MPP1: variants seen among roughly 807,000 people sequenced by gnomAD.
The protein encoded by MPP1 is 55 kDa erythrocyte membrane protein.
Under a neutral mutation model 38.2 loss-of-function variants are expected in MPP1, and 6 were observed. That is an observed-to-expected ratio of 0.16 (90% CI 0.09 to 0.31). The LOEUF (loss-of-function observed/expected upper bound fraction) is 0.31. MPP1 is among the 10% of genes least tolerant of loss of function. The pLI is 1.00. For synonymous variants in MPP1, 153 were observed against 146.3 expected (o/e 1.05, Z -0.33); for missense variants, 293 against 368.9 (o/e 0.79, Z 1.69).
intron 5 of MPP1, among the ~76,000 whole-genome samples, chrX:154,786,895 CAAA>C (rs782470556): frequency 2.7e-4 from 7 of 25,589 alleles, no homozygotes; most frequent in African/African-American, 6.8e-4. Flanking sequence ...GACTCCGTCT[CAAA>C]AAAAAAAAAA....
chrX:154,787,751 C>T (rs1332143695), intron 5 of MPP1, among the ~76,000 whole-genome samples: 11 of 111,867 alleles, frequency 9.8e-5, no homozygotes, highest in Non-Finnish European at 1.9e-4. Context: ...GGATTACAGG[C>T]GCATGCCACC....
intron 1 of MPP1, among the ~76,000 whole-genome samples, chrX:154,795,401 T>C: frequency 9.0e-6 from 1 of 111,332 alleles, no homozygotes; most frequent in South Asian, 3.8e-4. Flanking sequence ...AAAATAATAA[T>C]AATGTGATGA....
At chrX:154,788,926 G>A (rs908063834) in intron 5 of MPP1, among the ~76,000 whole-genome samples, 1 of 111,646 alleles carries the variant, frequency 9.0e-6, no homozygotes, top group Non-Finnish European at 1.9e-5. Flanking sequence ...AATAAAATAA[G>A]ACACCAAAGA....
At chrX:154,799,337 C>T (rs1440225553) in intron 1 of MPP1, among the ~76,000 whole-genome samples, 1 of 111,805 alleles carries the variant, frequency 8.9e-6, no homozygotes, top group Non-Finnish European at 1.9e-5. Context: ...AAGCAAAGCA[C>T]AATTTTCTCC....
Position 154,791,057 on chromosome X carries a change from C to T in MPP1, c.337G>A (p.Val113Met), listed in dbSNP as rs2072137362. The part of the protein sequence containing the change: ...GMIHRQGSLH[V>M]GDEILEINGT... ...TTGATTTCTAGGATCTCATCCCCCA[C>T]GTGAAGGGAGCCTGCCATGAAATGA... Residue 113 changes from valine (V) to methionine (M), a missense_variant, in exon 4 of 12, where the codon GTG becomes ATG. Val to Met is a conservative substitution (Grantham distance 21). Coordinates refer to ENST00000369534, the MANE Select transcript of MPP1 (RefSeq NM_002436.4). 3.3e-6 allele frequency: 4 copies of T among 1,208,349 alleles called. No individual in the cohort carries two copies. The highest frequency in any genetic ancestry group is 4.5e-6 in the Non-Finnish European group (4 of 893,504).
At chrX:154,799,864 C>G (rs1557268496) in intron 1 of MPP1, 8 of 1,143,132 alleles carry the variant, frequency 7.0e-6, no homozygotes, top group Non-Finnish European at 9.3e-6. Context: ...CAGCAGGGTT[C>G]AAAGGGCAGA....
At chrX:154,784,943 C>A (rs1171690147) in intron 7 of MPP1, 108 bp downstream of exon 7, 7 of 652,022 alleles carry the variant, frequency 1.1e-5, no homozygotes, top group Admixed American at 5.1e-5. Flanking sequence ...CTGTAGAATG[C>A]GCCTTCTGCT....
At chrX:154,783,864 G>T (rs1441386141) in intron 8 of MPP1, 164 bp downstream of exon 8, 5 of 458,038 alleles carry the variant, frequency 1.1e-5, no homozygotes, top group Non-Finnish European at 1.9e-5. Context: ...GTGGACCCAG[G>T]TGGGGTGCAC....
chrX:154,804,762 A>G (rs1557268984), intron 1 of MPP1: 1 of 342,778 alleles, frequency 2.9e-6, no homozygotes, highest in South Asian at 2.6e-5. Flanking sequence ...TGGAATCTGG[A>G]TTCCTTGTTC....
intron 5 of MPP1, among the ~76,000 whole-genome samples, chrX:154,788,050 T>C (rs1424044713): frequency 8.9e-6 from 1 of 112,459 alleles, no homozygotes; most frequent in South Asian, 3.6e-4. Flanking sequence ...TAACAATCAA[T>C]CCCAGATGGG....
At position 154,784,022 on chromosome X, in the gene MPP1, A is replaced by C; in HGVS notation, c.865+6T>G. ...GAAATGTGCAAATGGGGCAATGAGA[A>C]GATACCGATCAGCACCAGGGTCTTC... is the stretch of plus-strand genomic sequence containing the variant. On this transcript the variant is annotated splice_donor_region_variant and intron_variant, in intron 8 of 11. Coordinates refer to ENST00000369534, the MANE Select transcript of MPP1 (RefSeq NM_002436.4). 2 of 1,206,354 alleles carry C rather than the reference A, an allele frequency of 1.7e-6. No individual in the cohort carries two copies. Among genetic ancestry groups the C allele is most frequent in the Non-Finnish European group, 2.2e-6 (2 of 891,198 alleles).
chrX:154,791,253 T>C (rs2072139249), intron 3 of MPP1, 185 bp from the exon 4 acceptor site: 1 of 433,212 alleles, frequency 2.3e-6, no homozygotes, highest in African/African-American at 2.5e-5. Context: ...CTCCTTGGCC[T>C]CAGTAGTCCA....
At chrX:154,799,642 A>G (rs1322923048) in intron 1 of MPP1, 1 of 913,752 alleles carries the variant, frequency 1.1e-6, no homozygotes, top group Non-Finnish European at 1.5e-6. Context: ...GAGGCCACAG[A>G]GCTATGGCAG....
intron 1 of MPP1, among the ~76,000 whole-genome samples, chrX:154,801,287 T>C (rs368640116): frequency 2.7e-5 from 3 of 112,486 alleles, no homozygotes; most frequent in Admixed American, 9.4e-5. Context: ...TTTAAGGGAA[T>C]TGATCTTAAC....
chrX:154,803,579 C>T lies in MPP1; in HGVS notation c.102+1693G>A, dbSNP rs782081100. Among the ~76,000 whole-genome samples the T allele has an allele frequency of 7.1e-5, 8 of 112,214 alleles. No homozygotes were observed. In the South Asian group the frequency reaches 2.9e-3, roughly 41 times the overall value. Reference sequence around the variant, plus strand: ...ATAAGAACCCCGACACAAAATACATCATACTGTAGGATTCTATTTATATAA... The same window carrying T: ...ATAAGAACCCCGACACAAAATACATTATACTGTAGGATTCTATTTATATAA... On this transcript the variant is annotated intron_variant, in intron 1 of 11. Transcript: ENST00000369534.
At chrX:154,797,670 A>G (rs999039785) in intron 1 of MPP1, among the ~76,000 whole-genome samples, 2 of 112,551 alleles carry the variant, frequency 1.8e-5, no homozygotes, top group Admixed American at 1.9e-4. Flanking sequence ...AATATATTTG[A>G]AAAAAATAGA....
At chrX:154,797,928 C>T (rs1430447728) in intron 1 of MPP1, among the ~76,000 whole-genome samples, 5 of 111,827 alleles carry the variant, frequency 4.5e-5, no homozygotes, top group South Asian at 3.6e-4. Context: ...ACAGTAAAAA[C>T]GAACAATCTA....
At chrX:154,792,956 C>T (rs892213167) in intron 1 of MPP1, among the ~76,000 whole-genome samples, 5 of 111,357 alleles carry the variant, frequency 4.5e-5, no homozygotes, top group African/African-American at 1.6e-4. Flanking sequence ...GGCAGCAAGG[C>T]CTCTTTATTA....
intron 5 of MPP1, among the ~76,000 whole-genome samples, chrX:154,788,171 G>A (rs1026534483): frequency 2.8e-4 from 31 of 112,281 alleles, no homozygotes; most frequent in African/African-American, 9.7e-4. Flanking sequence ...GACATAAAAA[G>A]TGCTAATCAG....
Sources: allele counts gnomAD v4.1 joint callset (sites outside exome capture counted in the v4.1 genomes callset), GRCh38; gene constraint gnomAD v4.1.1; transcripts MANE v1.5; gene names NCBI Gene and HGNC (gene_info 2026-07-23, HGNC 2026-07-21).